The following STX8 variants were observed in gnomAD, a reference collection of about 807,000 sequenced individuals.
The protein encoded by STX8 is syntaxin 8.
A neutral mutation model predicts 37.5 loss-of-function variants in STX8; 23 were observed. That is an observed-to-expected ratio of 0.61 (90% CI 0.44 to 0.87). STX8 has a LOEUF of 0.87. Among genes scored for constraint, STX8 ranks in the 40% least tolerant of loss-of-function variants. The probability of loss-of-function intolerance (pLI) is 0.00; values close to 1 mark genes in which losing one functional copy is unlikely to be tolerated. For synonymous variants in STX8, 115 were observed against 99.1 expected (o/e 1.16, Z -0.95); for missense variants, 313 against 284.7 (o/e 1.10, Z -0.71).
At chr17:9,406,445 T>C (rs8071506) in intron 6 of STX8, among the ~76,000 whole-genome samples, 89,121 of 152,042 alleles carry the variant, frequency 0.59, 26,926 homozygotes, top group East Asian at 0.78. Context: ...CATCTGAGCT[T>C]GCCTCAATAG....
chr17:9,535,424 C>CTTTTTTTTTTT (rs35962202), intron 4 of STX8, among the ~76,000 whole-genome samples: 3,624 of 51,528 alleles, frequency 0.07, 859 homozygotes, highest in South Asian at 0.093. Context: ...AGCCATCCTA[C>CTTTTTTTTTTT]TTTTTTTTTT....
chr17:9,290,711 T>C (rs1400256785), intron 7 of STX8, among the ~76,000 whole-genome samples: 2 of 152,204 alleles, frequency 1.3e-5, no homozygotes, highest in Admixed American at 6.5e-5. Context: ...CTCCATATTA[T>C]GACCAAGTAA....
At chr17:9,522,334 A>G (rs1905372385) in intron 4 of STX8, among the ~76,000 whole-genome samples, 1 of 152,110 alleles carries the variant, frequency 6.6e-6, no homozygotes, top group Admixed American at 6.5e-5. Context: ...CAGCTTCTCT[A>G]TTACATGATG....
At position 9,274,744 on chromosome 17, in the gene STX8, C is replaced by CTTTTTTTTTTTTTTTTTT. The variant is rs201550065; in HGVS notation, c.644-24100_644-24099insAAAAAAAAAAAAAAAAAA. On this transcript the variant is annotated intron_variant, in intron 7 of 7. Transcript: ENST00000306357. The stretch of plus-strand genomic sequence containing the variant: ...AAAGTCTTCAAAAATACAACAATTT[C>CTTTTTTTTTTTTTTTTTT]TTTTTTCTTTTTTTTTTTTTTTTTT... 2.3e-5 allele frequency among the ~76,000 whole-genome samples: 2 copies of CTTTTTTTTTTTTTTTTTT among 88,884 alleles called. 1 individual carries two copies. The highest frequency in any genetic ancestry group is 4.5e-5 in the Non-Finnish European group (2 of 44,070). The allele number at this position is 88,884 out of a possible 152,430, so 58.3% of individuals were successfully genotyped here.
chr17:9,536,478 G>A (rs148340455), intron 4 of STX8, among the ~76,000 whole-genome samples: 200 of 152,278 alleles, frequency 1.3e-3, no homozygotes, highest in South Asian at 2.1e-3. Context: ...GTGGTTGAGA[G>A]CAGCCAACTG....
intron 6 of STX8, among the ~76,000 whole-genome samples, chr17:9,479,415 T>G (rs1725802450): frequency 6.6e-6 from 1 of 151,790 alleles, no homozygotes; most frequent in South Asian, 2.1e-4. Flanking sequence ...ATGCCTGTGA[T>G]CCCAGCTACT....
At chr17:9,327,288 A>G (rs1351209723) in intron 7 of STX8, among the ~76,000 whole-genome samples, 6 of 147,814 alleles carry the variant, frequency 4.1e-5, no homozygotes, top group African/African-American at 1.6e-4. Flanking sequence ...GAAGGAAGAA[A>G]GAAGAAGAAG....
chr17:9,485,544 T>A (rs1358311600), intron 6 of STX8, among the ~76,000 whole-genome samples: 1 of 151,996 alleles, frequency 6.6e-6, no homozygotes, highest in African/African-American at 2.4e-5. Flanking sequence ...CTAGGAAACT[T>A]AGAGGATTGA....
intron 6 of STX8, among the ~76,000 whole-genome samples, chr17:9,406,811 AT>A (rs1468050235): frequency 6.6e-6 from 1 of 152,152 alleles, no homozygotes; most frequent in Non-Finnish European, 1.5e-5. Flanking sequence ...CAATATGTTT[AT>A]TGAAAAAGAT....
At chr17:9,445,524 T>TGGGGGAGGGGGTTGGGGGGGC (rs1904813897) in intron 6 of STX8, among the ~76,000 whole-genome samples, 1 of 25,676 alleles carries the variant, frequency 3.9e-5, no homozygotes, top group Non-Finnish European at 7.7e-5. Flanking sequence ...GGTTGGGGGG[T>TGGGGGAGGGGGTTGGGGGGGC]GGGGGTGAGG....
chr17:9,391,252 G>A (rs55707366), intron 6 of STX8, among the ~76,000 whole-genome samples: 29,773 of 151,278 alleles, frequency 0.2, 3,034 homozygotes, highest in East Asian at 0.23. Context: ...TCAGGAGTTC[G>A]AGACCAGCCC....
intron 7 of STX8, among the ~76,000 whole-genome samples, chr17:9,316,302 T>A (rs936807941): frequency 1.3e-5 from 2 of 152,078 alleles, no homozygotes; most frequent in African/African-American, 4.8e-5. Flanking sequence ...TTTCTGAATG[T>A]TAATGAGATG....
chr17:9,262,636 C>T (rs1386837629), intron 7 of STX8, among the ~76,000 whole-genome samples: 1 of 151,690 alleles, frequency 6.6e-6, no homozygotes. Context: ...GGCTAGAGTG[C>T]AGTGGCGAGA....
In STX8 at chr17:9,384,196, A is replaced by G. The variant is rs1911914244; in HGVS notation, c.542-5543T>C. ...CACGGTATTTTAAAGATACTGGTTC[A>G]TTTTTTTTTCAATTGACAGATATCG... On this transcript the variant is annotated intron_variant, in intron 6 of 7. Coordinates refer to ENST00000306357, the MANE Select transcript of STX8 (RefSeq NM_004853.3). Among the ~76,000 whole-genome samples the G allele has an allele frequency of 2.0e-5, 3 of 146,502 alleles. No homozygotes were observed. In the South Asian group the frequency reaches 6.4e-4, roughly 31 times the overall value.
intron 3 of STX8, chr17:9,556,764 T>TATATATATACATAC (rs1906983817): frequency 1.2e-3 from 13 of 11,096 alleles, no homozygotes; most frequent in African/African-American, 3.4e-3. Flanking sequence ...TATATATATA[T>TATATATATACATAC]ATATATATAT....
At chr17:9,332,920 T>C (rs1347636038) in intron 7 of STX8, among the ~76,000 whole-genome samples, 1 of 152,182 alleles carries the variant, frequency 6.6e-6, no homozygotes, top group Non-Finnish European at 1.5e-5. Context: ...TTTGGGGAAA[T>C]GCATCCCATC....
chr17:9,482,238 C>A (rs1456861279), intron 6 of STX8, among the ~76,000 whole-genome samples: 2 of 152,002 alleles, frequency 1.3e-5, no homozygotes, highest in Non-Finnish European at 2.9e-5. Flanking sequence ...ATTTCAAATA[C>A]CACCTACAGA....
At chr17:9,549,034 GT>G (rs2142577549) in intron 3 of STX8, among the ~76,000 whole-genome samples, 2 of 152,168 alleles carry the variant, frequency 1.3e-5, no homozygotes, top group South Asian at 2.1e-4. Context: ...TCCCTTTATA[GT>G]CAAAGGAATT....
At chr17:9,280,093 C>CT (rs1907828964) in intron 7 of STX8, among the ~76,000 whole-genome samples, 1 of 152,088 alleles carries the variant, frequency 6.6e-6, no homozygotes, top group Non-Finnish European at 1.5e-5. Flanking sequence ...TGGTGGTGCA[C>CT]GCCTCTAGTC....
Sources: allele counts gnomAD v4.1 joint callset (sites outside exome capture counted in the v4.1 genomes callset), GRCh38; gene constraint gnomAD v4.1.1; transcripts MANE v1.5; gene names NCBI Gene and HGNC (gene_info 2026-07-23, HGNC 2026-07-21).